Variants in BCL7A observed in about 807,000 individuals in gnomAD.
The protein encoded by BCL7A is BAF chromatin remodeling complex subunit BCL7A.
Under a neutral mutation model 28.4 loss-of-function variants are expected in BCL7A, and 11 were observed. The ratio of observed to expected loss-of-function variants is 0.39; its 90% CI spans 0.24 to 0.64. The LOEUF is 0.64. BCL7A is among the 30% of genes least tolerant of loss of function. The pLI is 0.50. For missense variants in BCL7A, 222 were observed against 274.8 expected (o/e 0.81, Z 1.36); for synonymous variants, 123 against 103.3 (o/e 1.19, Z -1.15).
intron 3 of BCL7A, among the ~76,000 whole-genome samples, chr12:122,039,950 T>G (rs1313222703): frequency 6.6e-6 from 1 of 152,160 alleles, no homozygotes; most frequent in Non-Finnish European, 1.5e-5. Flanking sequence ...TCCTCCTCCC[T>G]CAACCTCCCA....
rs75597042 is a variant in BCL7A, at chr12:122,030,175, C to T, written c.93-525C>T. Among the ~76,000 whole-genome samples, 287 of 152,348 alleles carry T rather than the reference C, an allele frequency of 1.9e-3. 9 individuals are homozygous for T. The East Asian group carries it at 0.051, about 27-fold the overall frequency. On this transcript the variant is annotated intron_variant, in intron 1 of 5. Transcript: ENST00000261822. ...ACTCCCTGGCTCTCCTTGGCCGCCA[C>T]GAAGGGCATTCTTCCGGCAGAGTGT...
chr12:122,043,145 GAC>G (rs1414636328), intron 3 of BCL7A, among the ~76,000 whole-genome samples: 1 of 151,956 alleles, frequency 6.6e-6, no homozygotes, highest in Non-Finnish European at 1.5e-5. Context: ...GATGCAGTCA[GAC>G]AGAACGCCTT....
rs1337112730 is a variant in BCL7A at position 122,060,823 on chromosome 12, T to C, written c.*1660T>C. ...TTTTTAAGGGATCCTGTCTATTTCC[T>C]GCACTTCGAGAAGAATCAAAATGTT... is the stretch of plus-strand genomic sequence containing the variant. On this transcript the variant is annotated 3_prime_UTR_variant, in exon 6 of 6. Transcript: ENST00000261822. 1 of 228,232 alleles carries C rather than the reference T, an allele frequency of 4.4e-6. No homozygotes were observed. The highest frequency in any genetic ancestry group is 2.2e-5 in the African/African-American group (1 of 44,864). The allele number at this position is 228,232 out of a possible 1,614,324, so 14.1% of individuals were successfully genotyped here.
intron 2 of BCL7A, among the ~76,000 whole-genome samples, chr12:122,034,097 C>T (rs1465928698): frequency 6.7e-6 from 1 of 150,162 alleles, no homozygotes; most frequent in Non-Finnish European, 1.5e-5. Context: ...CGCAAACATG[C>T]ATGTAAATAC....
intron 2 of BCL7A, among the ~76,000 whole-genome samples, chr12:122,031,358 C>CCG (rs1883740840): frequency 6.6e-6 from 1 of 152,120 alleles, no homozygotes; most frequent in Admixed American, 6.5e-5. Flanking sequence ...CCGAGCGCCC[C>CCG]CCCCAGGGCT....
intron 3 of BCL7A, among the ~76,000 whole-genome samples, chr12:122,042,247 C>T (rs1001436764): frequency 2.0e-5 from 3 of 152,206 alleles, no homozygotes; most frequent in Admixed American, 6.5e-5. Flanking sequence ...GAGAGGAATA[C>T]GATCCCCCTG....
At chr12:122,024,017 A>G (rs1015417057) in intron 1 of BCL7A, among the ~76,000 whole-genome samples, 13 of 152,140 alleles carry the variant, frequency 8.5e-5, no homozygotes, top group African/African-American at 3.1e-4. Context: ...CTGCTCCCGC[A>G]GAGCGGCCAG....
intron 4 of BCL7A, among the ~76,000 whole-genome samples, chr12:122,052,465 A>G (rs1884210734): frequency 6.6e-6 from 1 of 152,192 alleles, no homozygotes; most frequent in Admixed American, 6.5e-5. Context: ...ATCACCCCAG[A>G]AAGAAACCTT....
At chr12:122,036,093 G>A (rs1235127465) in intron 3 of BCL7A, among the ~76,000 whole-genome samples, 7 of 152,002 alleles carry the variant, frequency 4.6e-5, no homozygotes, top group African/African-American at 1.7e-4. Flanking sequence ...TGCCCGCCAC[G>A]GCCTCCCAAA....
intron 3 of BCL7A, among the ~76,000 whole-genome samples, chr12:122,036,425 C>A (rs1030484246): frequency 5.3e-5 from 8 of 152,208 alleles, no homozygotes; most frequent in East Asian, 1.9e-4. Context: ...GGCAAAAAAA[C>A]CCAAAAAAGT....
rs938099029 is a variant in BCL7A at position 122,060,361 on chromosome 12, G to A, written c.*1198G>A. 7 of 232,740 alleles carry A rather than the reference G, an allele frequency of 3.0e-5. No individual in the cohort carries two copies. The highest frequency in any genetic ancestry group is 1.1e-4 in the Admixed American group (2 of 17,738). 14.4% of individuals were successfully genotyped at this position (232,740 alleles called of 1,614,324 possible). A position where few individuals can be genotyped will look rare whatever the true frequency, so the allele number is the denominator to read the frequency against. On this transcript the variant is annotated 3_prime_UTR_variant, in exon 6 of 6. Coordinates refer to ENST00000261822, the MANE Select transcript of BCL7A (RefSeq NM_001024808.3). Reference sequence around the variant, plus strand: ...CACCGGGGAGTGGGCCTTGATGGCCGGGCCTCGAAGGCCACAAACAAGGCG... The same window carrying A: ...CACCGGGGAGTGGGCCTTGATGGCCAGGCCTCGAAGGCCACAAACAAGGCG...
intron 3 of BCL7A, among the ~76,000 whole-genome samples, chr12:122,035,637 A>G (rs951760615): frequency 6.6e-6 from 1 of 152,232 alleles, no homozygotes; most frequent in African/African-American, 2.4e-5. Context: ...AGAGACATAA[A>G]CTAAGCCAGA....
intron 1 of BCL7A, among the ~76,000 whole-genome samples, chr12:122,023,189 T>A (rs1442948100): frequency 6.6e-6 from 1 of 152,142 alleles, no homozygotes; most frequent in African/African-American, 2.4e-5. Flanking sequence ...CGCAAGCAGA[T>A]CGCCAGGTTG....
At chr12:122,022,536 T>A (rs2135833283) in intron 1 of BCL7A, among the ~76,000 whole-genome samples, 1 of 141,024 alleles carries the variant, frequency 7.1e-6, no homozygotes, top group Middle Eastern at 4.2e-3. Context: ...GCCATTTCGT[T>A]TTGTGCAAGT....
Position 122,061,167 on chromosome 12 carries a change from A to AT in BCL7A, c.*2007dup. 1 of 226,428 alleles carries AT rather than the reference A, an allele frequency of 4.4e-6. No homozygotes were observed. Among genetic ancestry groups the AT allele is most frequent in the East Asian group, 6.4e-5 (1 of 15,662 alleles). 14.0% of individuals were successfully genotyped at this position (226,428 alleles called of 1,614,324 possible). On this transcript the variant is annotated 3_prime_UTR_variant, in exon 6 of 6. Transcript: ENST00000261822. The stretch of plus-strand genomic sequence containing the variant: ...ATCTTGGTGAGAGATGAATTTGGAT[A>AT]TTTATTTCCTTCTCTGTTTTTGGGA...
chr12:122,051,715 G>T (rs1884194712), intron 4 of BCL7A, among the ~76,000 whole-genome samples: 2 of 152,082 alleles, frequency 1.3e-5, no homozygotes, highest in Non-Finnish European at 2.9e-5. Flanking sequence ...CCACCACTCT[G>T]CAGAGCCTGC....
At chr12:122,044,212 T>TA (rs1884023278) in intron 4 of BCL7A, 159 bp downstream of exon 4, 12 of 873,396 alleles carry the variant, frequency 1.4e-5, no homozygotes, top group Middle Eastern at 3.5e-4. Flanking sequence ...GTGGGGGAAT[T>TA]AAAAAAATCA....
chr12:122,047,261 T>C (rs563637273), intron 4 of BCL7A, among the ~76,000 whole-genome samples: 74 of 150,754 alleles, frequency 4.9e-4, no homozygotes, highest in African/African-American at 1.7e-3. Context: ...CAGTGGCTCA[T>C]GCCTGTAATC....
intron 1 of BCL7A, among the ~76,000 whole-genome samples, chr12:122,022,995 T>C (rs1593019591): frequency 6.6e-6 from 1 of 152,266 alleles, no homozygotes; most frequent in African/African-American, 2.4e-5. Context: ...GTGTTTGTTT[T>C]GCGGAGGGAG....
Sources: gnomAD v4.1 joint callset for allele counts (sites outside exome capture counted in the v4.1 genomes callset) on GRCh38, gnomAD v4.1.1 for gene constraint, MANE v1.5 for transcripts, NCBI Gene and HGNC (gene_info 2026-07-23, HGNC 2026-07-21) for gene names.